Variants in SPTBN2 observed in about 807,000 individuals in gnomAD.
SPTBN2 encodes the protein spectrin beta chain, non-erythrocytic 2.
SPTBN2 carries 107 observed loss-of-function variants against 284.2 expected under a neutral mutation model. The observed-to-expected ratio is 0.38, with a 90% CI of 0.32 to 0.44. The LOEUF (loss-of-function observed/expected upper bound fraction) is 0.44. SPTBN2 is among the 20% of genes least tolerant of loss of function. The pLI is 1.00. For missense variants in SPTBN2, 2,569 were observed against 3,287.1 expected, an observed-to-expected ratio of 0.78 and a Z score of 5.34; for synonymous variants, 1,289 against 1,354.8, an observed-to-expected ratio of 0.95 and a Z score of 1.07.
intron 1 of SPTBN2, among the ~76,000 whole-genome samples, chr11:66,739,376 C>A (rs1015726878): frequency 3.9e-5 from 6 of 152,220 alleles, no homozygotes; most frequent in Non-Finnish European, 5.9e-5. Flanking sequence ...TGTCTCAATT[C>A]TTTTCCCATT....
Position 66,693,405 on chromosome 11 carries a change from C to T in SPTBN2, c.4635G>A (p.Ala1545=), listed in dbSNP as rs200491399. 13 of 1,600,506 alleles carry T rather than the reference C, an allele frequency of 8.1e-6. No homozygotes were observed. The highest frequency in any genetic ancestry group is 4.5e-5 in the East Asian group (2 of 44,870). The part of the protein sequence containing the change: ...KEIQGHEPRI[A]DLRERQRALG... ...GAGCACGCTGCCGCTCCCTCAGGTC[C>T]GCGATCCGGGGCTCATGGCCCTGAA... is the stretch of plus-strand genomic sequence containing the variant. Residue 1545 remains alanine, a synonymous_variant, in exon 24 of 38, where the codon GCG becomes GCA. Transcript: ENST00000533211. This position sits in a 1 kb window ranked among gnomAD's most constrained non-coding sequence, Gnocchi z 5.7.
chr11:66,734,198 C>T (rs892682706), upstream of SPTBN2, among the ~76,000 whole-genome samples: 7 of 151,856 alleles, frequency 4.6e-5, no homozygotes, highest in African/African-American at 1.5e-4. Flanking sequence ...TTCTGCTTGT[C>T]GCTTAATTTT....
At position 66,690,242 on chromosome 11, in the gene SPTBN2, G is replaced by A. The variant is rs751230912; in HGVS notation, c.5607C>T (p.Ala1869=). 6.2e-7 allele frequency: 1 copy of A among 1,612,608 alleles called. No individual in the cohort carries two copies. The highest frequency in any genetic ancestry group is 8.5e-7 in the Non-Finnish European group (1 of 1,179,254). ...VQDDGHRLQK[A]YAGDKAEEIG... is the part of the protein sequence containing the mutation. ...TCTCCTCAGCCTTGTCTCCAGCGTA[G>A]GCCTTCTGGAGCCGGTGGCCGTCGT... The change falls in exon 28 of 38, where the codon GCC becomes GCT. Residue 1869 remains alanine (A), a synonymous_variant. Transcript: ENST00000533211.
chr11:66,733,166 A>G (rs949221365), upstream of SPTBN2, among the ~76,000 whole-genome samples: 2 of 152,116 alleles, frequency 1.3e-5, no homozygotes, highest in African/African-American at 4.8e-5. Flanking sequence ...CTGAGAGACT[A>G]TTGAAAGGTT....
chr11:66,693,674 A>T lies in SPTBN2; in HGVS notation c.4593+98T>A. On this transcript the variant is annotated intron_variant, in intron 23 of 37. Coordinates refer to ENST00000533211, the MANE Select transcript of SPTBN2 (RefSeq NM_006946.4). The surrounding 1 kb of genome is among the most constrained non-coding windows in gnomAD (Gnocchi z 5.7). Reference sequence around the variant, plus strand: ...AAGACAGCCACTGAAGTCCAGGGTTACACTCAGCATCGAGGGGGGCCTGGT... The same window carrying T: ...AAGACAGCCACTGAAGTCCAGGGTTTCACTCAGCATCGAGGGGGGCCTGGT... 1 of 1,348,440 alleles carries T rather than the reference A, an allele frequency of 7.4e-7. No individual in the cohort carries two copies. The highest frequency in any genetic ancestry group is 1.0e-6 in the Non-Finnish European group (1 of 966,744). The allele number at this position is 1,348,440 out of a possible 1,614,324, so 83.5% of individuals were successfully genotyped here.
intron 1 of SPTBN2, among the ~76,000 whole-genome samples, chr11:66,734,829 T>C (rs140909085): frequency 1.1e-4 from 16 of 152,344 alleles, no homozygotes; most frequent in Admixed American, 3.3e-4. Flanking sequence ...TTATTGTCAG[T>C]AGATGAAACA....
intron 1 of SPTBN2, among the ~76,000 whole-genome samples, chr11:66,722,958 G>C (rs918776291): frequency 1.5e-4 from 23 of 150,866 alleles, no homozygotes; most frequent in African/African-American, 5.4e-4. Flanking sequence ...GGAAGAAACA[G>C]TGCCGGGTTT....
chr11:66,699,737 C>T (rs1302724182), intron 17 of SPTBN2, 129 bp from the exon 18 acceptor site: 4 of 958,888 alleles, frequency 4.2e-6, no homozygotes, highest in Non-Finnish European at 6.5e-6. Context: ...CCAGAGAGCT[C>T]TGAAGACAGG....
In SPTBN2 at chr11:66,705,001, T is replaced by C; in HGVS notation, c.2275A>G (p.Met759Val). The C allele has an allele frequency of 1.2e-6, 2 of 1,605,344 alleles. No homozygotes were observed. The highest frequency in any genetic ancestry group is 2.2e-5 in the South Asian group (2 of 91,086). Residue 759 changes from methionine to valine, a missense_variant, in exon 15 of 38, where the codon ATG (methionine) becomes GTG (valine). Met to Val is a conservative substitution (Grantham distance 21). This residue lies in a region of SPTBN2 where 1,012 missense variants were observed against 1,248.9 expected (regional missense o/e 0.81). Transcript: ENST00000533211. ...AGTGCGTCAACCAACCAGGCCTCCA[T>C]GTCGTTTGCATCGGCCTGGAACTGG... ...LYQFQADAND[M>V]EAWLVDALRL...
chr11:66,694,204 G>C lies in SPTBN2; in HGVS notation c.4438C>G (p.Arg1480Gly), dbSNP rs113974204. ...CGAGAAGCCTGCAGGCGCCGGCAGC[G>C]TTCCCGCATGGGCTGGCACAAGGCC... ...FRALCQPMRE[R>G]CRRLQASREQ... The change falls in exon 22 of 38, where the codon CGC becomes GGC. Residue 1480 changes from arginine to glycine, a missense_variant. By Grantham distance (125) the Arg-to-Gly change is moderately radical (BLOSUM62 -2). This residue lies in a region of SPTBN2 where 1,130 missense variants were observed against 1,317.3 expected (regional missense o/e 0.86). Coordinates refer to ENST00000533211, the MANE Select transcript of SPTBN2 (RefSeq NM_006946.4). 6.2e-7 allele frequency: 1 copy of C among 1,613,724 alleles called. No homozygotes were observed. The highest frequency in any genetic ancestry group is 8.5e-7 in the Non-Finnish European group (1 of 1,180,036).
Position 66,721,349 on chromosome 11 carries a change from C to T in SPTBN2, c.-23+1G>A, listed in dbSNP as rs1442838167. 7.0e-7 allele frequency: 1 copy of T among 1,435,824 alleles called. No homozygotes were observed. Among genetic ancestry groups the T allele is most frequent in the Admixed American group, 1.7e-5 (1 of 59,508 alleles). The allele number at this position is 1,435,824 out of a possible 1,614,324, so 88.9% of individuals were successfully genotyped here. On this transcript the variant is annotated splice_donor_variant, in intron 2 of 37. Transcript: ENST00000533211. LOFTEE classifies it low-confidence loss of function (5UTR_SPLICE). ...CGGGGCCTTCTGTCTTCTTGCCCTA[C>T]CTGTGCTCCGCTCTCCTTGTGGCCA... is the stretch of plus-strand genomic sequence containing the variant.
Position 66,690,197 on chromosome 11 carries a change from G to T in SPTBN2, c.5652C>A (p.Ala1884=). 1.2e-6 allele frequency: 2 copies of T among 1,613,908 alleles called. No homozygotes were observed. Among genetic ancestry groups the T allele is most frequent in the South Asian group, 1.1e-5 (1 of 91,060 alleles). The change falls in exon 28 of 38, where the codon GCC becomes GCA. Residue 1884 remains alanine (A), a synonymous_variant. Transcript: ENST00000533211. ...KAEEIGRHMQ[A]VAEAWAQLQG... is the part of the protein sequence containing the mutation. Reference sequence around the variant, plus strand: ...GAAGCTGGGCCCAGGCCTCGGCCACGGCCTGCATGTGGCGGCCGATCTCCT... The same window carrying T: ...GAAGCTGGGCCCAGGCCTCGGCCACTGCCTGCATGTGGCGGCCGATCTCCT...
chr11:66,692,787 C>G, intron 25 of SPTBN2, 47 bp from the exon 26 acceptor site: 1 of 1,599,012 alleles, frequency 6.3e-7, no homozygotes, highest in Non-Finnish European at 8.5e-7. Flanking sequence ...GGGTGTAGCT[C>G]TGACCTCCGG....
Position 66,704,924 on chromosome 11 carries a change from A to G in SPTBN2, c.2352T>C (p.Ala784=), listed in dbSNP as rs372099512. The G allele has an allele frequency of 1.2e-5, 19 of 1,611,580 alleles. No homozygotes were observed. Among genetic ancestry groups the G allele is most frequent in the Non-Finnish European group, 1.4e-5 (16 of 1,179,902 alleles). ...CCAGGGCCCGATGCTGCCTGGCTAG[A>G]GCCTGCGTGGAGAACTCGTCGTGCC... ...ELGHDEFSTQ[A]LARQHRALEE... The change falls in exon 15 of 38, where the codon GCT becomes GCC. Residue 784 remains alanine (A), a synonymous_variant. Transcript: ENST00000533211.
rs1437907661 is a variant in SPTBN2, at chr11:66,714,215, G to A, written c.576-44C>T. 9.9e-6 allele frequency: 16 copies of A among 1,610,052 alleles called. 1 individual carries two copies. The highest frequency in any genetic ancestry group is 8.8e-5 in the South Asian group (8 of 90,968). On this transcript the variant is annotated intron_variant, in intron 6 of 37. Coordinates refer to ENST00000533211, the MANE Select transcript of SPTBN2 (RefSeq NM_006946.4). ...AAAATGGTGAGTAGGGCTGAGCTCTGTTCTATGACTCCAGGGCAGTCACCA... is the reference window on the plus strand; with the variant it reads ...AAAATGGTGAGTAGGGCTGAGCTCTATTCTATGACTCCAGGGCAGTCACCA...
intron 10 of SPTBN2, among the ~76,000 whole-genome samples, chr11:66,709,950 C>G (rs1382091624): frequency 6.6e-6 from 1 of 152,212 alleles, no homozygotes; most frequent in African/African-American, 2.4e-5. Context: ...TCCCCTCTAT[C>G]CTATGCTAGG....
rs747096113 is a variant in SPTBN2, at chr11:66,704,772, T to C, written c.2504A>G (p.Glu835Gly). Residue 835 changes from glutamate (E) to glycine (G), a missense_variant, in exon 15 of 38, where the codon GAG (glutamate) becomes GGG (glycine). By Grantham distance (98) the Glu-to-Gly change is moderately conservative. This residue lies in a region of SPTBN2 where 1,012 missense variants were observed against 1,248.9 expected (regional missense o/e 0.81). Transcript: ENST00000533211. ...CTCGCCTGCCCGGGCCTGCAGCTCCTCGTAGTGCCGCTCCAGGGTGGGCAC... is the reference window on the plus strand; with the variant it reads ...CTCGCCTGCCCGGGCCTGCAGCTCCCCGTAGTGCCGCTCCAGGGTGGGCAC... The part of the protein sequence containing the change: ...SRVPTLERHY[E>G]ELQARAGERA... The C allele has an allele frequency of 3.7e-5, 59 of 1,603,836 alleles. No homozygotes were observed. In the African/African-American group the frequency reaches 7.8e-4, roughly 21 times the overall value.
chr11:66,689,199 G>T lies in SPTBN2; in HGVS notation c.5950-19C>A, dbSNP rs762440989. On this transcript the variant is annotated intron_variant, in intron 29 of 37. Coordinates refer to ENST00000533211, the MANE Select transcript of SPTBN2 (RefSeq NM_006946.4). ...CTGAGATCTGGGGGCGGGGGGCAGA[G>T]ATATGAGTTAGCACCAGGATGTGAG... 8.2e-6 allele frequency: 13 copies of T among 1,594,914 alleles called. No individual in the cohort carries two copies. Among genetic ancestry groups the T allele is most frequent in the Non-Finnish European group, 8.6e-6 (10 of 1,169,106 alleles).
In SPTBN2 at chr11:66,691,309, T is replaced by C. The variant is rs765894915; in HGVS notation, c.5540A>G (p.His1847Arg). Residue 1847 changes from histidine to arginine, a missense_variant, in exon 27 of 38, where the codon CAT becomes CGT. His to Arg is a conservative substitution (Grantham distance 29). Coordinates refer to ENST00000533211, the MANE Select transcript of SPTBN2 (RefSeq NM_006946.4). The surrounding 1 kb of genome is among the most constrained non-coding windows in gnomAD (Gnocchi z 8.0). The part of the protein sequence containing the change: ...ALQRRHCAYE[H>R]DIQALSPQVQ... ...CTGGGGGCTGAGGGCCTGAATGTCA[T>C]GCTCGTAGGCACAGTGTCGGCGCTG... 2.6e-6 allele frequency: 4 copies of C among 1,538,492 alleles called. No homozygotes were observed. Among genetic ancestry groups the C allele is most frequent in the Non-Finnish European group, 3.5e-6 (4 of 1,138,962 alleles).
Sources: gnomAD v4.1 joint callset for allele counts (sites outside exome capture counted in the v4.1 genomes callset) on GRCh38, gnomAD v4.1.1 for gene constraint, gnomAD v4.1.1 regional missense constraint, Gnocchi (gnomAD v3.1) non-coding constraint, MANE v1.5 for transcripts, NCBI Gene and HGNC (gene_info 2026-07-23, HGNC 2026-07-21) for gene names.